MSL1: variants seen among roughly 807,000 people sequenced by gnomAD.
The protein encoded by MSL1 is MSL complex subunit 1.
In MSL1, 21 loss-of-function variants were observed where a neutral mutation model predicts 64.6. That is an observed-to-expected ratio of 0.33 (90% CI 0.23 to 0.47). The LOEUF (loss-of-function observed/expected upper bound fraction) is 0.47. Ranked by LOEUF, MSL1 falls within the 20% of genes least tolerant of loss-of-function variation. MSL1 has a pLI of 1.00. For missense variants in MSL1, 664 were observed against 793.2 expected (o/e 0.84, Z 1.96); for synonymous variants, 339 against 329.6 (o/e 1.03, Z -0.31).
At position 40,134,384 on chromosome 17, in the gene MSL1, AC is replaced by A. The variant is rs1292235053; in HGVS notation, c.*18del. On this transcript the variant is annotated 3_prime_UTR_variant, in exon 9 of 9. Transcript: ENST00000398532. ...GTAGGAAATAGCTGTGCTGGCAAGA[AC>A]CCTGTCTTCAGATAGTTGTAGCATG... 6.4e-7 allele frequency: 1 copy of A among 1,550,772 alleles called. No homozygotes were observed. Among genetic ancestry groups the A allele is most frequent in the Non-Finnish European group, 8.7e-7 (1 of 1,145,888 alleles).
At position 40,122,182 on chromosome 17, in the gene MSL1, G is replaced by GA. The variant is rs1247473407; in HGVS notation, c.-428dup. 6.8e-6 allele frequency: 1 copy of GA among 147,126 alleles called. No individual in the cohort carries two copies. The highest frequency in any genetic ancestry group is 2.1e-4 in the East Asian group (1 of 4,760). 9.1% of individuals were successfully genotyped at this position (147,126 alleles called of 1,614,324 possible). A position where few individuals can be genotyped will look rare whatever the true frequency, so the allele number is the denominator to read the frequency against. On this transcript the variant is annotated 5_prime_UTR_variant, in exon 1 of 9. The change creates a new upstream start codon in the 5' untranslated region. Coordinates refer to ENST00000398532, the MANE Select transcript of MSL1 (RefSeq NM_001365919.1). The surrounding 1 kb of genome is among the most constrained non-coding windows in gnomAD (Gnocchi z 4.2). ...ACCCCCTCCTGAGGAGGAGGGGGGGGAAATGGAGGCTCGGGGCGGTTGAGG... is the reference window on the plus strand; with the variant it reads ...ACCCCCTCCTGAGGAGGAGGGGGGGGAAAATGGAGGCTCGGGGCGGTTGAGG...
Position 40,131,364 on chromosome 17 carries a change from C to T in MSL1, c.1376-173C>T. On this transcript the variant is annotated intron_variant, in intron 3 of 8. Coordinates refer to ENST00000398532, the MANE Select transcript of MSL1 (RefSeq NM_001365919.1). The surrounding 1 kb of genome is among the most constrained non-coding windows in gnomAD (Gnocchi z 4.5). ...AAAAGTGGTGGGCTTATTTTCTTTT[C>T]TTTTGTCTGTTGTTCCCTCTTCCCC... is the stretch of plus-strand genomic sequence containing the variant. The T allele has an allele frequency of 3.9e-6, 2 of 518,182 alleles. No individual in the cohort carries two copies. Among genetic ancestry groups the T allele is most frequent in the South Asian group, 2.8e-5 (1 of 35,290 alleles). 32.1% of individuals were successfully genotyped at this position (518,182 alleles called of 1,614,324 possible).
rs930624784 is a variant in MSL1, at chr17:40,122,401, G to A, written c.-212G>A. On this transcript the variant is annotated 5_prime_UTR_variant, in exon 1 of 9. Coordinates refer to ENST00000398532, the MANE Select transcript of MSL1 (RefSeq NM_001365919.1). This position sits in a 1 kb window ranked among gnomAD's most constrained non-coding sequence, Gnocchi z 4.2. ...GGCGGCGGCGAGGCCCCCATGGGCCGGCGGCGGGCCTCAGCCGCGGCCTCC... is the reference window on the plus strand; with the variant it reads ...GGCGGCGGCGAGGCCCCCATGGGCCAGCGGCGGGCCTCAGCCGCGGCCTCC... 9.0e-6 allele frequency: 3 copies of A among 333,578 alleles called. No homozygotes were observed. Among genetic ancestry groups the A allele is most frequent in the African/African-American group, 4.3e-5 (2 of 46,110 alleles). The allele number at this position is 333,578 out of a possible 1,614,324, so 20.7% of individuals were successfully genotyped here.
At position 40,122,267 on chromosome 17, in the gene MSL1, C is replaced by T. The variant is rs1192559282; in HGVS notation, c.-346C>T. The T allele has an allele frequency of 1.7e-5, 2 of 120,876 alleles. No homozygotes were observed. Among genetic ancestry groups the T allele is most frequent in the Non-Finnish European group, 3.5e-5 (2 of 57,324 alleles). The allele number at this position is 120,876 out of a possible 1,614,324, so 7.5% of individuals were successfully genotyped here. The stretch of plus-strand genomic sequence containing the variant: ...GGGGGTGCGGGGTGGGGAGACGAGG[C>T]GGGCCCGGCCGGGCCAGGGGGGGCC... On this transcript the variant is annotated 5_prime_UTR_variant, in exon 1 of 9. Transcript: ENST00000398532. This position sits in a 1 kb window ranked among gnomAD's most constrained non-coding sequence, Gnocchi z 4.2.
In MSL1 at chr17:40,131,721, A is replaced by G. The variant is rs1988441080; in HGVS notation, c.1423+137A>G. On this transcript the variant is annotated intron_variant, in intron 4 of 8. Transcript: ENST00000398532. The surrounding 1 kb of genome is among the most constrained non-coding windows in gnomAD (Gnocchi z 4.5). ...GGTGTATGATTGATTACACTACTAT[A>G]GACTTCAAAATGACAACAAATTTCA... is the stretch of plus-strand genomic sequence containing the variant. 2.5e-6 allele frequency: 2 copies of G among 797,276 alleles called. No individual in the cohort carries two copies. Among genetic ancestry groups the G allele is most frequent in the Middle Eastern group, 2.9e-4 (1 of 3,494 alleles). The allele number at this position is 797,276 out of a possible 1,614,324, so 49.4% of individuals were successfully genotyped here.
chr17:40,134,438 A>G lies in MSL1; in HGVS notation c.*69A>G. 1.6e-6 allele frequency: 2 copies of G among 1,284,290 alleles called. No individual in the cohort carries two copies. The highest frequency in any genetic ancestry group is 1.1e-6 in the Non-Finnish European group (1 of 903,530). 79.6% of individuals were successfully genotyped at this position (1,284,290 alleles called of 1,614,324 possible). ...ATTCCCGAGAGTGGCAGAGACCTGT[A>G]TATGTGACCTTTGTCCTCACATATG... is the stretch of plus-strand genomic sequence containing the variant. On this transcript the variant is annotated 3_prime_UTR_variant, in exon 9 of 9. Transcript: ENST00000398532.
At chr17:40,129,756 T>A in intron 3 of MSL1, 129 bp downstream of exon 3, 1 of 1,011,342 alleles carries the variant, frequency 9.9e-7, no homozygotes, top group Non-Finnish European at 1.4e-6. Flanking sequence ...ATGAGTAAGT[T>A]AACAGCCAGA....
rs1288140891 is a variant in MSL1 at position 40,122,113 on chromosome 17, C to T, written c.-500C>T. Among the ~76,000 whole-genome samples the T allele has an allele frequency of 6.6e-6, 1 of 151,424 alleles. No homozygotes were observed. Among genetic ancestry groups the T allele is most frequent in the Non-Finnish European group, 1.5e-5 (1 of 67,720 alleles). On this transcript the variant is annotated 5_prime_UTR_variant, in exon 1 of 9. Transcript: ENST00000398532. This position sits in a 1 kb window ranked among gnomAD's most constrained non-coding sequence, Gnocchi z 4.2. Reference sequence around the variant, plus strand: ...GAGACCCCCGGGAGAGGCGACAGACCCCCTCTCCCGGAGTAGGAGGGCTTT... The same window carrying T: ...GAGACCCCCGGGAGAGGCGACAGACTCCCTCTCCCGGAGTAGGAGGGCTTT...
chr17:40,122,611 C>G lies in MSL1; in HGVS notation c.-2C>G. 1 of 1,477,948 alleles carries G rather than the reference C, an allele frequency of 6.8e-7. No homozygotes were observed. The highest frequency in any genetic ancestry group is 8.9e-7 in the Non-Finnish European group (1 of 1,121,908). 91.6% of individuals were successfully genotyped at this position (1,477,948 alleles called of 1,614,324 possible). On this transcript the variant is annotated 5_prime_UTR_variant, in exon 1 of 9. Transcript: ENST00000398532. This position sits in a 1 kb window ranked among gnomAD's most constrained non-coding sequence, Gnocchi z 4.2. ...CGGTGCCCGGCGCTGCTCCGGACCA[C>G]TATGACCATGAGATCCGCGGTGTTC...
In MSL1 at chr17:40,129,545, G is replaced by A. The variant is rs757545004; in HGVS notation, c.1293G>A (p.Met431Ile). The A allele has an allele frequency of 1.2e-6, 2 of 1,613,836 alleles. No individual in the cohort carries two copies. The highest frequency in any genetic ancestry group is 1.1e-5 in the South Asian group (1 of 91,076). The change falls in exon 3 of 9, where the codon ATG (methionine) becomes ATA (isoleucine). Residue 431 changes from methionine to isoleucine, a missense_variant. Around this residue, in one of 4 missense-constraint regions of MSL1, gnomAD observed 119 missense variants for 164.3 expected, o/e 0.72. Transcript: ENST00000398532. ...TGCCGTACCTTTCCACCACAGAAAT[G>A]TATTTGTGTCGTTGGCACCAGCCTC... ...EDLPYLSTTEMYLCRWHQPPP... is the reference protein window; with the variant it reads ...EDLPYLSTTEIYLCRWHQPPP...
rs1988536397 is a variant in MSL1, at chr17:40,136,173, T to A, written c.*1804T>A. On this transcript the variant is annotated 3_prime_UTR_variant, in exon 9 of 9. Transcript: ENST00000398532. ...TTGACTTTGTTCTTTGATCCCTCAG[T>A]TTCTTCTTGATTTCAGCATGTGTCG... 6.6e-6 allele frequency: 1 copy of A among 152,330 alleles called. No individual in the cohort carries two copies. The highest frequency in any genetic ancestry group is 2.1e-4 in the South Asian group (1 of 4,832). 9.4% of individuals were successfully genotyped at this position (152,330 alleles called of 1,614,324 possible).
In MSL1 at chr17:40,133,065, G is replaced by A. The variant is rs765620271; in HGVS notation, c.1512G>A (p.Ser504=). 9.9e-6 allele frequency: 16 copies of A among 1,611,300 alleles called. No individual in the cohort carries two copies. Among genetic ancestry groups the A allele is most frequent in the Middle Eastern group, 3.3e-4 (2 of 6,060 alleles). Residue 504 remains serine (S), a synonymous_variant, in exon 6 of 9, where the codon TCG becomes TCA. Coordinates refer to ENST00000398532, the MANE Select transcript of MSL1 (RefSeq NM_001365919.1). ...AGAACCTGGATGACAGTGTGTTTTC[G>A]AAGCGGCATGCAAAACTGGAGCTGG... is the stretch of plus-strand genomic sequence containing the variant. ...LLENLDDSVF[S]KRHAKLELDE...
Position 40,129,619 on chromosome 17 carries a change from C to A in MSL1, c.1367C>A (p.Thr456Asn), listed in dbSNP as rs762967451. 1.2e-6 allele frequency: 2 copies of A among 1,601,790 alleles called. No individual in the cohort carries two copies. Among genetic ancestry groups the A allele is most frequent in the Non-Finnish European group, 1.7e-6 (2 of 1,174,608 alleles). Reference protein sequence around the residue: ...LRESSPKKEETVARCLMPSSV... With the variant: ...LRESSPKKEENVARCLMPSSV... Reference sequence around the variant, plus strand: ...GAATCCTCTCCAAAGAAGGAGGAGACTGTAGCAAGTAAGGCATAGAGAACA... The same window carrying A: ...GAATCCTCTCCAAAGAAGGAGGAGAATGTAGCAAGTAAGGCATAGAGAACA... The change falls in exon 3 of 9, where the codon ACT becomes AAT. Residue 456 changes from threonine (T) to asparagine (N), a missense_variant. Thr to Asn is a moderately conservative substitution (Grantham distance 65, BLOSUM62 0). This residue lies in a region of MSL1 where 119 missense variants were observed against 164.3 expected (regional missense o/e 0.72). Transcript: ENST00000398532.
At position 40,133,374 on chromosome 17, in the gene MSL1, C is replaced by G. The variant is rs1051009396; in HGVS notation, c.1557-160C>G. 2.4e-4 allele frequency: 217 copies of G among 921,830 alleles called. 2 individuals are homozygous for G. In the Admixed American group the frequency reaches 6.0e-3, roughly 26 times the overall value. The allele number at this position is 921,830 out of a possible 1,614,324, so 57.1% of individuals were successfully genotyped here. On this transcript the variant is annotated intron_variant, in intron 6 of 8. Coordinates refer to ENST00000398532, the MANE Select transcript of MSL1 (RefSeq NM_001365919.1). ...ACATGATCTAAACGGTAGACCTAAACAGCTCTCCCTTAACAAGGCAGTCAT... is the reference window on the plus strand; with the variant it reads ...ACATGATCTAAACGGTAGACCTAAAGAGCTCTCCCTTAACAAGGCAGTCAT...
intron 6 of MSL1, 125 bp from the exon 7 acceptor site, chr17:40,133,409 C>A: frequency 8.2e-7 from 1 of 1,220,592 alleles, no homozygotes; most frequent in Non-Finnish European, 1.1e-6. Flanking sequence ...TTTCTCTTTA[C>A]CCTGTCTAGA....
At position 40,134,478 on chromosome 17, in the gene MSL1, T is replaced by A; in HGVS notation, c.*109T>A. 1 of 849,654 alleles carries A rather than the reference T, an allele frequency of 1.2e-6. No homozygotes were observed. The highest frequency in any genetic ancestry group is 1.6e-5 in the South Asian group (1 of 63,096). The allele number at this position is 849,654 out of a possible 1,614,324, so 52.6% of individuals were successfully genotyped here. On this transcript the variant is annotated 3_prime_UTR_variant, in exon 9 of 9. Transcript: ENST00000398532. ...CCTCACATATGTTATCACTCGCTGA[T>A]AATACCCTTTCATACTTCCTTGACT...
chr17:40,134,430 A>T lies in MSL1; in HGVS notation c.*61A>T. On this transcript the variant is annotated 3_prime_UTR_variant, in exon 9 of 9. Coordinates refer to ENST00000398532, the MANE Select transcript of MSL1 (RefSeq NM_001365919.1). ...AGCATGCCATTCCCGAGAGTGGCAGAGACCTGTATATGTGACCTTTGTCCT... is the reference window on the plus strand; with the variant it reads ...AGCATGCCATTCCCGAGAGTGGCAGTGACCTGTATATGTGACCTTTGTCCT... 1 of 1,354,368 alleles carries T rather than the reference A, an allele frequency of 7.4e-7. No individual in the cohort carries two copies. 83.9% of individuals were successfully genotyped at this position (1,354,368 alleles called of 1,614,324 possible). A position where few individuals can be genotyped will look rare whatever the true frequency, so the allele number is the denominator to read the frequency against.
chr17:40,129,423 C>T lies in MSL1; in HGVS notation c.1171C>T (p.Arg391Trp), dbSNP rs757589482. ...LRSQETPEKP[R>W]SSVDTPPRLS... ...GAGCCAAGAAACCCCAGAAAAGCCC[C>T]GGTCTTCAGTGGACACCCCACCAAG... The change falls in exon 3 of 9, where the codon CGG becomes TGG. Residue 391 changes from arginine (R) to tryptophan (W), a missense_variant. Around this residue, in one of 4 missense-constraint regions of MSL1, gnomAD observed 119 missense variants for 164.3 expected, o/e 0.72. Transcript: ENST00000398532. The T allele has an allele frequency of 5.0e-6, 8 of 1,613,124 alleles. No individual in the cohort carries two copies. The highest frequency in any genetic ancestry group is 2.2e-5 in the East Asian group (1 of 44,890).
Position 40,134,266 on chromosome 17 carries a change from C to G in MSL1, c.1755-13C>G. 1 of 1,551,954 alleles carries G rather than the reference C, an allele frequency of 6.4e-7. No individual in the cohort carries two copies. Among genetic ancestry groups the G allele is most frequent in the Non-Finnish European group, 8.7e-7 (1 of 1,146,850 alleles). On this transcript the variant is annotated splice_polypyrimidine_tract_variant and intron_variant, in intron 8 of 8. Coordinates refer to ENST00000398532, the MANE Select transcript of MSL1 (RefSeq NM_001365919.1). Reference sequence around the variant, plus strand: ...TAGTCTTGCAAGTTGATTTCCTCATCCTTTTTTGCCAGGAATTTTGAGCTA... The same window carrying G: ...TAGTCTTGCAAGTTGATTTCCTCATGCTTTTTTGCCAGGAATTTTGAGCTA...
Sources: gnomAD v4.1 joint callset for allele counts (sites outside exome capture counted in the v4.1 genomes callset) on GRCh38, gnomAD v4.1.1 for gene constraint, gnomAD v4.1.1 regional missense constraint, Gnocchi (gnomAD v3.1) non-coding constraint, MANE v1.5 for transcripts, NCBI Gene and HGNC (gene_info 2026-07-23, HGNC 2026-07-21) for gene names.